The following GPHN variants were observed in gnomAD, a reference collection of about 807,000 sequenced individuals.
The protein encoded by GPHN is gephyrin.
Under a neutral mutation model 95.5 loss-of-function variants are expected in GPHN, and 17 were observed. The observed-to-expected ratio is 0.18, with a 90% confidence interval of 0.12 to 0.27. The LOEUF (loss-of-function observed/expected upper bound fraction) is 0.27, where lower values mean the gene tolerates loss of function less well. Among genes scored for constraint, GPHN ranks in the 10% least tolerant of loss-of-function variants. The pLI is 1.00. For missense variants in GPHN, 660 were observed against 978.1 expected (o/e 0.67, Z 4.34); for synonymous variants, 320 against 322.5 (o/e 0.99, Z 0.08).
At chr14:67,153,437 CAGAA>C (rs1417478244) in intron 18 of GPHN, among the ~76,000 whole-genome samples, 1 of 152,192 alleles carries the variant, frequency 6.6e-6, no homozygotes, top group East Asian at 1.9e-4. Context: ...CCTCACATGG[CAGAA>C]AGAGAGCTAG....
chr14:66,661,030 G>A (rs1051813262), intron 1 of GPHN, among the ~76,000 whole-genome samples: 7 of 152,198 alleles, frequency 4.6e-5, no homozygotes, highest in Admixed American at 1.3e-4. Flanking sequence ...CATGCATGGA[G>A]ACCCGGGAAC....
intron 1 of GPHN, among the ~76,000 whole-genome samples, chr14:66,537,683 A>G (rs753438724): frequency 1.3e-4 from 20 of 152,162 alleles, no homozygotes; most frequent in Non-Finnish European, 1.0e-4. Context: ...CATCCAGGAT[A>G]ATTTTCCTTT....
At chr14:67,369,221 CTATTAA>C in the GPHN span, among the ~76,000 whole-genome samples, 1 of 152,076 alleles carries the variant, frequency 6.6e-6, no homozygotes, top group East Asian at 1.9e-4. Context: ...GAGACAGTGT[CTATTAA>C]TATTAGATAA....
chr14:67,073,206 A>G (rs766807117), intron 11 of GPHN, among the ~76,000 whole-genome samples: 11 of 152,132 alleles, frequency 7.2e-5, no homozygotes, highest in Non-Finnish European at 1.6e-4. Flanking sequence ...TAGGACAGTG[A>G]CTGAGAAATT....
At chr14:67,323,924 AT>A in the GPHN span, 3 of 607,924 alleles carry the variant, frequency 4.9e-6, no homozygotes, top group Non-Finnish European at 8.6e-6. Context: ...CAAACTGATT[AT>A]TTTTTCTGTA....
intron 11 of GPHN, among the ~76,000 whole-genome samples, chr14:67,073,508 C>CT (rs1490633670): frequency 6.6e-6 from 1 of 152,014 alleles, no homozygotes; most frequent in East Asian, 1.9e-4. Context: ...AAGTTAAATG[C>CT]TTTTTATATT....
At chr14:67,147,515 T>TTTTGC (rs915242308) in intron 18 of GPHN, among the ~76,000 whole-genome samples, 22 of 151,958 alleles carry the variant, frequency 1.4e-4, no homozygotes, top group Non-Finnish European at 2.9e-4. Flanking sequence ...TTTTGTTTTG[T>TTTTGC]TTTGTTTTGT....
intron 9 of GPHN, among the ~76,000 whole-genome samples, chr14:66,996,771 T>C (rs1241076717): frequency 1.7e-4 from 26 of 152,180 alleles, no homozygotes; most frequent in Non-Finnish European, 3.8e-4. Context: ...AATTTTTTGC[T>C]ACTTATATTT....
the GPHN span, chr14:67,302,583 C>T: frequency 4.8e-6 from 7 of 1,455,990 alleles, no homozygotes; most frequent in East Asian, 2.6e-5. Context: ...TAAGTTGACG[C>T]AGCTAGAAGA....
downstream of GPHN, among the ~76,000 whole-genome samples, chr14:67,184,442 G>C (rs1365728449): frequency 1.3e-5 from 2 of 152,148 alleles, no homozygotes; most frequent in African/African-American, 4.8e-5. Flanking sequence ...CAGGTGAGGG[G>C]GTAGAGGTGA....
intron 2 of GPHN, among the ~76,000 whole-genome samples, chr14:66,687,596 T>TC (rs1446640120): frequency 6.6e-6 from 1 of 151,624 alleles, no homozygotes; most frequent in East Asian, 1.9e-4. Context: ...TTCAAGCGGT[T>TC]CTCCTGCCTC....
chr14:66,835,907 G>T (rs1036988094), intron 4 of GPHN, among the ~76,000 whole-genome samples: 3 of 149,676 alleles, frequency 2.0e-5, no homozygotes, highest in African/African-American at 7.4e-5. Flanking sequence ...ACCTCTTCAA[G>T]GAGAACTACA....
At chr14:66,559,767 G>A (rs985414249) in intron 1 of GPHN, among the ~76,000 whole-genome samples, 2 of 151,728 alleles carry the variant, frequency 1.3e-5, no homozygotes, top group African/African-American at 4.8e-5. Context: ...GTCAATTTTG[G>A]CTTTTGTTGC....
chr14:67,359,842 A>T, the GPHN span: 1 of 888,750 alleles, frequency 1.1e-6, no homozygotes, highest in Non-Finnish European at 1.7e-6. Flanking sequence ...GGCAGCAGGG[A>T]CACCCATTTT....
At chr14:67,200,115 C>G in the GPHN span, 1 of 1,047,554 alleles carries the variant, frequency 9.5e-7, no homozygotes, top group Non-Finnish European at 1.4e-6. Context: ...TGGGCATGCC[C>G]CCCCGAAGGC....
At chr14:67,212,530 G>A in the GPHN span, among the ~76,000 whole-genome samples, 1 of 149,400 alleles carries the variant, frequency 6.7e-6, no homozygotes. Context: ...GGTTGAGGCT[G>A]CAGTGAGCCA....
At chr14:67,708,709 T>C in the GPHN span, among the ~76,000 whole-genome samples, 1 of 152,112 alleles carries the variant, frequency 6.6e-6, no homozygotes, top group African/African-American at 2.4e-5. Context: ...CACCATTTCA[T>C]ATTTGACTAT....
At chr14:67,695,205 C>A in the GPHN span, among the ~76,000 whole-genome samples, 1 of 152,192 alleles carries the variant, frequency 6.6e-6, no homozygotes. Context: ...CGATTGCTAT[C>A]AGTTTCAGAG....
chr14:66,873,583 G>T (rs988052507), intron 4 of GPHN, among the ~76,000 whole-genome samples: 1 of 152,084 alleles, frequency 6.6e-6, no homozygotes, highest in African/African-American at 2.4e-5. Flanking sequence ...GTGGGGAGGG[G>T]GCGTCCACCA....
Sources: allele counts gnomAD v4.1 joint callset (sites outside exome capture counted in the v4.1 genomes callset), GRCh38; gene constraint gnomAD v4.1.1; transcripts MANE v1.5; gene names NCBI Gene and HGNC (gene_info 2026-07-23, HGNC 2026-07-21).